The following ADAM32 variants were observed in gnomAD, a reference collection of about 807,000 sequenced individuals.
ADAM32 encodes ADAM metallopeptidase domain 32.
ADAM32 carries 89 observed loss-of-function variants against 114.9 expected under a neutral mutation model. The ratio of observed to expected loss-of-function variants is 0.77; its 90% CI spans 0.65 to 0.92. The LOEUF (loss-of-function observed/expected upper bound fraction) is 0.92. Among genes scored for constraint, ADAM32 ranks in the 40% least tolerant of loss-of-function variants. The probability of loss-of-function intolerance (pLI) is 0.00; values close to 1 mark genes in which losing one functional copy is unlikely to be tolerated. For missense variants in ADAM32, 870 were observed against 932.8 expected, an observed-to-expected ratio of 0.93 and a Z score of 0.88; for synonymous variants, 285 against 307.5, an observed-to-expected ratio of 0.93 and a Z score of 0.77.
At chr8:39,222,512 C>T (rs1017024733) in intron 13 of ADAM32, among the ~76,000 whole-genome samples, 4 of 151,944 alleles carry the variant, frequency 2.6e-5, no homozygotes, top group Admixed American at 6.6e-5. Context: ...AAAGAGTCTA[C>T]GTATTTCCAT....
At chr8:39,230,771 G>T (rs910648127) in intron 14 of ADAM32, among the ~76,000 whole-genome samples, 3 of 152,178 alleles carry the variant, frequency 2.0e-5, no homozygotes, top group African/African-American at 4.8e-5. Flanking sequence ...CATAGAAGGT[G>T]CAGGTAAACA....
Position 39,232,074 on chromosome 8 carries a change from T to C in ADAM32, c.1573T>C (p.Ser525Pro). ...CTGCTATGAAGAAATACAATCTCAA[T>C]CAGACAGATTTGGGAACTGTGGTAG... ...FACYEEIQSQ[S>P]DRFGNCGRDR... The change falls in exon 15 of 25, where the codon TCA (serine) becomes CCA (proline). Residue 525 changes from serine to proline, a missense_variant. Ser to Pro is a moderately conservative substitution (Grantham distance 74). Coordinates refer to ENST00000379907, the MANE Select transcript of ADAM32 (RefSeq NM_145004.7). 3.1e-6 allele frequency: 5 copies of C among 1,612,744 alleles called. No homozygotes were observed. Among genetic ancestry groups the C allele is most frequent in the Non-Finnish European group, 4.2e-6 (5 of 1,179,086 alleles).
intron 16 of ADAM32, 91 bp from the exon 17 acceptor site, chr8:39,245,992 A>G (rs1014375120): frequency 4.0e-5 from 40 of 1,005,482 alleles, no homozygotes; most frequent in Non-Finnish European, 5.5e-5. Flanking sequence ...TTGAATGGCT[A>G]TGCTTTTATA....
At chr8:39,128,895 T>C (rs933700805) in intron 2 of ADAM32, among the ~76,000 whole-genome samples, 4 of 152,120 alleles carry the variant, frequency 2.6e-5, no homozygotes, top group African/African-American at 7.2e-5. Context: ...GGATACTTGG[T>C]TCTTCATCTG....
chr8:39,138,714 G>A (rs1402375527), intron 3 of ADAM32, among the ~76,000 whole-genome samples: 1 of 152,140 alleles, frequency 6.6e-6, no homozygotes, highest in East Asian at 1.9e-4. Flanking sequence ...GGGTCAAATG[G>A]TATTTCTAGT....
intron 13 of ADAM32, among the ~76,000 whole-genome samples, chr8:39,222,010 T>C (rs1809005525): frequency 6.6e-6 from 1 of 151,988 alleles, no homozygotes; most frequent in Non-Finnish European, 1.5e-5. Context: ...ATTTATATTA[T>C]TGTAAATAAA....
intron 12 of ADAM32, among the ~76,000 whole-genome samples, chr8:39,215,098 T>A (rs111600520): frequency 1.2e-4 from 18 of 152,126 alleles, no homozygotes; most frequent in African/African-American, 4.1e-4. Flanking sequence ...TATAATTTGA[T>A]ATCAGGTAAT....
chr8:39,219,971 T>C (rs1266154272), intron 12 of ADAM32, among the ~76,000 whole-genome samples: 2 of 152,190 alleles, frequency 1.3e-5, no homozygotes, highest in Non-Finnish European at 2.9e-5. Context: ...GTCCAATTGG[T>C]CAAGTGTTAA....
intron 13 of ADAM32, among the ~76,000 whole-genome samples, chr8:39,221,962 C>A (rs1378242069): frequency 6.6e-6 from 1 of 151,636 alleles, no homozygotes; most frequent in East Asian, 1.9e-4. Context: ...CGGAAGACCT[C>A]TATTGAATGG....
intron 6 of ADAM32, among the ~76,000 whole-genome samples, chr8:39,156,765 G>T (rs1318556341): frequency 6.6e-6 from 1 of 152,140 alleles, no homozygotes; most frequent in Non-Finnish European, 1.5e-5. Context: ...TCTGCACAAG[G>T]TCTTCCTTCT....
At chr8:39,132,704 A>C (rs1372241416) in intron 2 of ADAM32, among the ~76,000 whole-genome samples, 1 of 152,016 alleles carries the variant, frequency 6.6e-6, no homozygotes, top group South Asian at 2.1e-4. Context: ...ACTTTATTTC[A>C]CCATTTTAAA....
At chr8:39,154,949 A>G (rs558102376) in intron 6 of ADAM32, among the ~76,000 whole-genome samples, 14 of 151,810 alleles carry the variant, frequency 9.2e-5, no homozygotes, top group African/African-American at 3.4e-4. Flanking sequence ...CCTTTGTCAG[A>G]TGGGTAGATT....
At chr8:39,121,923 C>T (rs956999802) in intron 2 of ADAM32, among the ~76,000 whole-genome samples, 8 of 152,288 alleles carry the variant, frequency 5.3e-5, no homozygotes, top group Middle Eastern at 3.4e-3. Context: ...TAAGATCTAA[C>T]GGAATTTGTC....
At chr8:39,193,342 C>T (rs764236971) in intron 11 of ADAM32, among the ~76,000 whole-genome samples, 1 of 152,188 alleles carries the variant, frequency 6.6e-6, no homozygotes, top group African/African-American at 2.4e-5. Flanking sequence ...TGTTTGTCAG[C>T]TCTATCAGGT....
At chr8:39,197,952 TTC>T (rs1807120632) in intron 11 of ADAM32, among the ~76,000 whole-genome samples, 1 of 152,148 alleles carries the variant, frequency 6.6e-6, no homozygotes, top group South Asian at 2.1e-4. Flanking sequence ...TGGGGTCTAT[TTC>T]TCTGTTTACT....
At chr8:39,176,742 G>A (rs1585463502) in intron 10 of ADAM32, among the ~76,000 whole-genome samples, 1 of 152,222 alleles carries the variant, frequency 6.6e-6, no homozygotes, top group African/African-American at 2.4e-5. Context: ...GTATATCTTT[G>A]TTAATTTTCT....
intron 11 of ADAM32, among the ~76,000 whole-genome samples, chr8:39,192,290 A>G (rs745873019): frequency 1.3e-5 from 2 of 151,524 alleles, no homozygotes; most frequent in Admixed American, 6.6e-5. Flanking sequence ...GTCTTTTTTT[A>G]TCTTTGTCGG....
chr8:39,257,405 G>A, intron 19 of ADAM32, 62 bp downstream of exon 19: 6 of 1,558,158 alleles, frequency 3.9e-6, no homozygotes, highest in Non-Finnish European at 5.2e-6. Context: ...TTATATGTAA[G>A]ACAATATCAC....
chr8:39,211,936 A>T (rs914548567), intron 12 of ADAM32, among the ~76,000 whole-genome samples: 1 of 152,156 alleles, frequency 6.6e-6, no homozygotes, highest in African/African-American at 2.4e-5. Context: ...ACCATATCAC[A>T]TTATTTTAAT....
Sources: gnomAD v4.1 joint callset for allele counts (sites outside exome capture counted in the v4.1 genomes callset) on GRCh38, gnomAD v4.1.1 for gene constraint, MANE v1.5 for transcripts, NCBI Gene and HGNC (gene_info 2026-07-23, HGNC 2026-07-21) for gene names.